Variants in LRRC4B observed in about 807,000 individuals in gnomAD.
LRRC4B encodes the protein leucine rich repeat containing 4B, also known as leucine-rich repeat-containing protein 4B.
LRRC4B carries 1 observed loss-of-function variant against 7.3 expected under a neutral mutation model. The observed-to-expected ratio is 0.14, with a 90% CI of 0.05 to 0.65. The LOEUF (loss-of-function observed/expected upper bound fraction) is 0.65. Ranked by LOEUF, LRRC4B falls within the 30% of genes least tolerant of loss-of-function variation. The pLI is 0.84. For synonymous variants in LRRC4B, 500 were observed against 499.2 expected (o/e 1.00, Z -0.02); for missense variants, 730 against 1,041.6 (o/e 0.70, Z 4.12).
chr19:50,563,186 G>A lies in LRRC4B; in HGVS notation c.-36+4758C>T, dbSNP rs537025198. On this transcript the variant is annotated intron_variant, in intron 1 of 2. Transcript: ENST00000652263. The surrounding 1 kb of genome is among the most constrained non-coding windows in gnomAD (Gnocchi z 4.9). ...GTGAGCCCCCATCAGCCCCTCTCGT[G>A]GGTCTCCAAGGCAGCCCCTCCACCT... Among the ~76,000 whole-genome samples the A allele has an allele frequency of 6.6e-6, 1 of 152,266 alleles. No individual in the cohort carries two copies. The highest frequency in any genetic ancestry group is 6.5e-5 in the Admixed American group (1 of 15,296).
rs1981941778 is a variant in LRRC4B at position 50,548,990 on chromosome 19, C to G, written c.-35-117G>C. 1 of 608,452 alleles carries G rather than the reference C, an allele frequency of 1.6e-6. No individual in the cohort carries two copies. Among genetic ancestry groups the G allele is most frequent in the East Asian group, 2.9e-5 (1 of 34,000 alleles). 37.7% of individuals were successfully genotyped at this position (608,452 alleles called of 1,614,324 possible). A position where few individuals can be genotyped will look rare whatever the true frequency, so the allele number is the denominator to read the frequency against. ...CCGCCTCCCTGCCCCATGCCCAGAA[C>G]AAAGGGACAGGGAGGGAGACAGCTG... On this transcript the variant is annotated intron_variant, in intron 1 of 2. Coordinates refer to ENST00000652263, the MANE Select transcript of LRRC4B (RefSeq NM_001080457.2). This position sits in a 1 kb window ranked among gnomAD's most constrained non-coding sequence, Gnocchi z 6.8.
At chr19:50,524,596 A>G (rs1042962852) in intron 2 of LRRC4B, among the ~76,000 whole-genome samples, 4 of 152,190 alleles carry the variant, frequency 2.6e-5, no homozygotes, top group Non-Finnish European at 4.4e-5. Context: ...CATTGAAATA[A>G]TAATAAAGAA....
chr19:50,518,189 C>A lies in LRRC4B; in HGVS notation c.1524G>T (p.Gly508=), dbSNP rs777580200. 17 of 1,607,854 alleles carry A rather than the reference C, an allele frequency of 1.1e-5. No homozygotes were observed. In the African/African-American group the frequency reaches 2.0e-4, roughly 19 times the overall value. ...TGGGCCCTGGCGGTTCCTTCTCCGTCCCCCGCGGCTGCAGGGCCTCCTCTC... is the reference window on the plus strand; with the variant it reads ...TGGGCCCTGGCGGTTCCTTCTCCGTACCCCGCGGCTGCAGGGCCTCCTCTC... The part of the protein sequence containing the change: ...QPGEEALQPR[G]TEKEPPGPTT... The change falls in exon 3 of 3, where the codon GGG becomes GGT. Residue 508 remains glycine (G), a synonymous_variant. Coordinates refer to ENST00000652263, the MANE Select transcript of LRRC4B (RefSeq NM_001080457.2).
chr19:50,527,638 A>G (rs983731623), intron 2 of LRRC4B, among the ~76,000 whole-genome samples: 6 of 152,100 alleles, frequency 3.9e-5, no homozygotes, highest in African/African-American at 1.4e-4. Context: ...GGCTATACCT[A>G]CGTATGGACA....
At position 50,563,404 on chromosome 19, in the gene LRRC4B, C is replaced by T. The variant is rs1008267088; in HGVS notation, c.-36+4540G>A. Among the ~76,000 whole-genome samples the T allele has an allele frequency of 3.3e-5, 5 of 152,178 alleles. No homozygotes were observed. The highest frequency in any genetic ancestry group is 1.2e-4 in the African/African-American group (5 of 41,448). On this transcript the variant is annotated intron_variant, in intron 1 of 2. Transcript: ENST00000652263. This position sits in a 1 kb window ranked among gnomAD's most constrained non-coding sequence, Gnocchi z 4.9. ...CTCAGAGTTAATGAGGTTTCCCGTA[C>T]CCCACCAGAGAGGACACAAAGACGT...
intron 1 of LRRC4B, among the ~76,000 whole-genome samples, chr19:50,560,699 G>C (rs1303554016): frequency 6.6e-6 from 1 of 152,234 alleles, no homozygotes; most frequent in Admixed American, 6.5e-5. Flanking sequence ...CCGCCTTGCA[G>C]TCTGTGAAGA....
At chr19:50,566,845 T>C (rs10410105) in intron 1 of LRRC4B, among the ~76,000 whole-genome samples, 75 of 142,588 alleles carry the variant, frequency 5.3e-4, no homozygotes, top group African/African-American at 1.7e-3. Context: ...CATAGAAGGA[T>C]GTTTCAGAGA....
At chr19:50,552,714 A>ATCCATCCGCCCATCCG (rs1333655851) in intron 1 of LRRC4B, among the ~76,000 whole-genome samples, 3 of 150,192 alleles carry the variant, frequency 2.0e-5, no homozygotes, top group Non-Finnish European at 4.4e-5. Flanking sequence ...CCATCCGTCC[A>ATCCATCCGCCCATCCG]TCCGTCTATC....
In LRRC4B at chr19:50,568,347, A is replaced by AGGCCCCGGCCCC. The variant is rs1296655033; in HGVS notation, c.-451_-440dup. On this transcript the variant is annotated 5_prime_UTR_variant, in exon 1 of 3. Transcript: ENST00000652263. ...CTCTCCCCCCACCCCACCCCCCCCC[A>AGGCCCCGGCCCC]GGCCCCGGCCCCGGCCCCGGCCCCC... Among the ~76,000 whole-genome samples, 1 of 18,358 alleles carries AGGCCCCGGCCCC rather than the reference A, an allele frequency of 5.4e-5. No individual in the cohort carries two copies. Among genetic ancestry groups the AGGCCCCGGCCCC allele is most frequent in the Non-Finnish European group, 2.3e-4 (1 of 4,344 alleles). 12.0% of individuals were successfully genotyped at this position (18,358 alleles called of 152,430 possible).
rs1209282094 is a variant in LRRC4B, at chr19:50,519,680, C to T, written c.298-265G>A. ...TCACTTGAGGTCAGGAGTTTGAGAC[C>T]AGCCTGGACAACATGGTGAAACCCT... On this transcript the variant is annotated intron_variant, in intron 2 of 2. Coordinates refer to ENST00000652263, the MANE Select transcript of LRRC4B (RefSeq NM_001080457.2). This position sits in a 1 kb window ranked among gnomAD's most constrained non-coding sequence, Gnocchi z 8.1. 1.3e-5 allele frequency among the ~76,000 whole-genome samples: 2 copies of T among 151,994 alleles called. No individual in the cohort carries two copies. Among genetic ancestry groups the T allele is most frequent in the African/African-American group, 4.8e-5 (2 of 41,370 alleles).
chr19:50,540,470 C>G (rs1182370647), intron 2 of LRRC4B, among the ~76,000 whole-genome samples: 1 of 152,114 alleles, frequency 6.6e-6, no homozygotes, highest in Non-Finnish European at 1.5e-5. Flanking sequence ...TCAAGTGATT[C>G]TCCTGCCTCC....
Position 50,552,654 on chromosome 19 carries a change from A to ATCCG in LRRC4B, c.-35-3782_-35-3781insCGGA, listed in dbSNP as rs1555809070. Among the ~76,000 whole-genome samples, 39 of 101,000 alleles carry ATCCG rather than the reference A, an allele frequency of 3.9e-4. No individual in the cohort carries two copies. The East Asian group carries it at 0.012, about 31-fold the overall frequency. 66.3% of individuals were successfully genotyped at this position (101,000 alleles called of 152,430 possible). On this transcript the variant is annotated intron_variant, in intron 1 of 2. Coordinates refer to ENST00000652263, the MANE Select transcript of LRRC4B (RefSeq NM_001080457.2). ...CATCCATCCGCCCATCCGTCCATCCATCCATCCATCCATCCATCCATCCAT... is the reference window on the plus strand; with the variant it reads ...CATCCATCCGCCCATCCGTCCATCCATCCGTCCATCCATCCATCCATCCATCCAT...
At chr19:50,561,903 C>T (rs967066521) in intron 1 of LRRC4B, among the ~76,000 whole-genome samples, 11 of 151,926 alleles carry the variant, frequency 7.2e-5, no homozygotes, top group African/African-American at 2.4e-4. Flanking sequence ...TGAGACCAGC[C>T]TAGCCAACAC....
intron 1 of LRRC4B, among the ~76,000 whole-genome samples, chr19:50,562,730 G>GTTT (rs778453544): frequency 7.3e-6 from 1 of 136,174 alleles, no homozygotes; most frequent in East Asian, 2.1e-4. Context: ...TCCATCCAGG[G>GTTT]TTTTTTTTTT....
intron 1 of LRRC4B, among the ~76,000 whole-genome samples, chr19:50,550,552 G>A (rs1982012073): frequency 6.6e-6 from 1 of 152,024 alleles, no homozygotes; most frequent in African/African-American, 2.4e-5. Flanking sequence ...CCCTCCTCCT[G>A]CAGTTTCCAA....
At position 50,518,304 on chromosome 19, in the gene LRRC4B, C is replaced by T; in HGVS notation, c.1409G>A (p.Gly470Asp). The T allele has an allele frequency of 6.2e-7, 1 of 1,600,848 alleles. No homozygotes were observed. The highest frequency in any genetic ancestry group is 8.5e-7 in the Non-Finnish European group (1 of 1,174,354). ...TCCAACACCACCACTGCCCCCAGGG[C>T]CGCCCCCGCCGCTGCCGGTGCCCCC... ...AAGGTGSGGG[G>D]PGGSGGVGGG... The change falls in exon 3 of 3, where the codon GGC (glycine) becomes GAC (aspartate). Residue 470 changes from glycine to aspartate, a missense_variant. By Grantham distance (94) the Gly-to-Asp change is moderately conservative. Around this residue, in one of 6 missense-constraint regions of LRRC4B, gnomAD observed 192 missense variants for 228.6 expected, o/e 0.84. Transcript: ENST00000652263.
chr19:50,525,228 T>C (rs899127636), intron 2 of LRRC4B, among the ~76,000 whole-genome samples: 21 of 152,140 alleles, frequency 1.4e-4, no homozygotes, highest in African/African-American at 5.1e-4. Flanking sequence ...AGGAGGATGA[T>C]GAAAAGCACT....
At chr19:50,526,078 G>A (rs1980797179) in intron 2 of LRRC4B, among the ~76,000 whole-genome samples, 1 of 151,948 alleles carries the variant, frequency 6.6e-6, no homozygotes, top group Admixed American at 6.6e-5. Flanking sequence ...CCCTCCCCTG[G>A]GCCCTTCACA....
chr19:50,551,081 A>T (rs1470113459), intron 1 of LRRC4B: 1 of 48,890 alleles, frequency 2.0e-5, no homozygotes, highest in East Asian at 6.4e-4. Flanking sequence ...GCATCCCCCC[A>T]CCCCCATCAC....
Sources: allele counts gnomAD v4.1 joint callset (sites outside exome capture counted in the v4.1 genomes callset), GRCh38; gene constraint gnomAD v4.1.1; regional missense constraint gnomAD v4.1.1; non-coding constraint Gnocchi (gnomAD v3.1); transcripts MANE v1.5; gene names NCBI Gene and HGNC (gene_info 2026-07-23, HGNC 2026-07-21).